The following LARGE1 variants were observed in gnomAD, a reference collection of about 807,000 sequenced individuals.
The protein encoded by LARGE1 is xylosyl- and glucuronyltransferase LARGE1.
Under a neutral mutation model 87.6 loss-of-function variants are expected in LARGE1, and 43 were observed. That is an observed-to-expected ratio of 0.49 (90% CI 0.38 to 0.63). The LOEUF is 0.63. Among genes scored for constraint, LARGE1 ranks in the 30% least tolerant of loss-of-function variants. The pLI is 0.00. For missense variants in LARGE1, 802 were observed against 1,000.2 expected, an observed-to-expected ratio of 0.80 and a Z score of 2.67; for synonymous variants, 434 against 394.6, an observed-to-expected ratio of 1.10 and a Z score of -1.18.
In LARGE1 at chr22:33,299,093, T is replaced by G. The variant is rs1325852060; in HGVS notation, c.1730+5136A>C. Among the ~76,000 whole-genome samples, 4 of 151,818 alleles carry G rather than the reference T, an allele frequency of 2.6e-5. No homozygotes were observed. The East Asian group carries it at 7.8e-4, about 30-fold the overall frequency. On this transcript the variant is annotated intron_variant, in intron 12 of 14. Coordinates refer to ENST00000397394, the MANE Select transcript of LARGE1 (RefSeq NM_133642.5). ...CCAGCATGGTGGCGCATGCCTATAATCCCAGCTACTGGGGAGACTAAAGTG... is the reference window on the plus strand; with the variant it reads ...CCAGCATGGTGGCGCATGCCTATAAGCCCAGCTACTGGGGAGACTAAAGTG...
intron 6 of LARGE1, among the ~76,000 whole-genome samples, chr22:33,534,414 A>C (rs575567361): frequency 1.4e-5 from 2 of 143,476 alleles, no homozygotes; most frequent in African/African-American, 5.8e-5. Context: ...AAAAACAAAC[A>C]GACAAAAAAA....
intron 9 of LARGE1, among the ~76,000 whole-genome samples, chr22:33,359,811 G>A (rs1329807372): frequency 6.7e-5 from 10 of 148,964 alleles, no homozygotes; most frequent in South Asian, 2.2e-4. Flanking sequence ...TGATCTGCCC[G>A]CCTCGGCCTC....
At chr22:33,441,610 C>A (rs2067480807) in intron 6 of LARGE1, among the ~76,000 whole-genome samples, 1 of 152,028 alleles carries the variant, frequency 6.6e-6, no homozygotes, top group Non-Finnish European at 1.5e-5. Context: ...TGTATGCCAC[C>A]ACATCCAGCT....
chr22:33,857,537 TTAG>T (rs1417381473), intron 1 of LARGE1, among the ~76,000 whole-genome samples: 1 of 152,248 alleles, frequency 6.6e-6, no homozygotes, highest in African/African-American at 2.4e-5. Flanking sequence ...TCGGTAAATG[TTAG>T]TAATTAGTAA....
chr22:33,858,635 G>T (rs905862666), intron 1 of LARGE1, among the ~76,000 whole-genome samples: 1 of 152,158 alleles, frequency 6.6e-6, no homozygotes, highest in Non-Finnish European at 1.5e-5. Context: ...TCCCAGCTAG[G>T]CTTAGGGATT....
At chr22:33,763,146 CAT>C (rs2084790554) in intron 1 of LARGE1, among the ~76,000 whole-genome samples, 1 of 152,196 alleles carries the variant, frequency 6.6e-6, no homozygotes, top group Non-Finnish European at 1.5e-5. Context: ...TAAAACTTAG[CAT>C]ATTGCCTGTC....
intron 2 of LARGE1, among the ~76,000 whole-genome samples, chr22:33,740,381 C>A (rs966353155): frequency 9.2e-5 from 14 of 152,202 alleles, no homozygotes; most frequent in African/African-American, 2.7e-4. Context: ...GCCTTAAATT[C>A]TTGCTTCCCA....
intron 7 of LARGE1, among the ~76,000 whole-genome samples, chr22:33,393,969 A>C (rs1476704949): frequency 6.6e-6 from 1 of 152,174 alleles, no homozygotes; most frequent in African/African-American, 2.4e-5. Flanking sequence ...CTTTTTAGCA[A>C]CAGCTCAGTA....
intron 1 of LARGE1, among the ~76,000 whole-genome samples, chr22:33,817,561 G>A (rs1229574018): frequency 6.6e-6 from 1 of 152,094 alleles, no homozygotes; most frequent in Non-Finnish European, 1.5e-5. Context: ...GCAGAAAAGA[G>A]TGTTTGGGTT....
Position 33,512,451 on chromosome 22 carries a change from T to C in LARGE1, c.787+52397A>G, listed in dbSNP as rs76963847. 7.9e-3 allele frequency among the ~76,000 whole-genome samples: 1,199 copies of C among 152,120 alleles called. 13 individuals are homozygous for C. The highest frequency in any genetic ancestry group is 0.023 in the East Asian group (119 of 5,188). On this transcript the variant is annotated intron_variant, in intron 6 of 14. Coordinates refer to ENST00000397394, the MANE Select transcript of LARGE1 (RefSeq NM_133642.5). ...AAAAGGCAGAAGTCAGAATTACATA[T>C]AGGAGGAAAACAACAGTCTTTAAAA...
At chr22:33,521,102 C>A (rs1284767292) in intron 6 of LARGE1, among the ~76,000 whole-genome samples, 1 of 152,128 alleles carries the variant, frequency 6.6e-6, no homozygotes, top group Non-Finnish European at 1.5e-5. Flanking sequence ...TGGCTGGGAA[C>A]TATGGGTTAT....
At position 33,230,004 on chromosome 22, in the gene LARGE1, C is replaced by CTT. The variant is rs557120175; in HGVS notation, c.1731-63174_1731-63173dup. 5.6e-3 allele frequency among the ~76,000 whole-genome samples: 451 copies of CTT among 81,164 alleles called. 36 individuals carry two copies. Among genetic ancestry groups the CTT allele is most frequent in the Middle Eastern group, 0.018 (2 of 110 alleles). The allele number at this position is 81,164 out of a possible 152,430, so 53.2% of individuals were successfully genotyped here. On this transcript the variant is annotated intron_variant, in intron 11 of 11. Transcript: ENST00000608642. ...GACATTTTCAAACATTTTCAAAGTT[C>CTT]TTTTTTTTTTTTTTTTTTTTTTTTT...
chr22:33,403,757 C>A (rs1018916123), intron 7 of LARGE1, among the ~76,000 whole-genome samples: 1 of 152,080 alleles, frequency 6.6e-6, no homozygotes, highest in Non-Finnish European at 1.5e-5. Context: ...GTGCCTGCCA[C>A]CACGCCTGGC....
At chr22:33,408,143 G>C (rs1333227431) in intron 7 of LARGE1, among the ~76,000 whole-genome samples, 1 of 151,982 alleles carries the variant, frequency 6.6e-6, no homozygotes, top group Non-Finnish European at 1.5e-5. Context: ...ACCACGCCCA[G>C]CTAATTTTTT....
intron 2 of LARGE1, among the ~76,000 whole-genome samples, chr22:33,739,079 A>C (rs557576203): frequency 6.6e-6 from 1 of 151,942 alleles, no homozygotes; most frequent in South Asian, 2.1e-4. Flanking sequence ...CTCAGGCCTT[A>C]GTTTCCTTAT....
chr22:33,746,009 G>C (rs1456828393), intron 2 of LARGE1, among the ~76,000 whole-genome samples: 9 of 152,180 alleles, frequency 5.9e-5, no homozygotes, highest in Non-Finnish European at 1.3e-4. Flanking sequence ...ATGCCTGCCT[G>C]GGTTCAATCT....
At chr22:33,415,616 C>A (rs996328864) in intron 7 of LARGE1, among the ~76,000 whole-genome samples, 1 of 152,154 alleles carries the variant, frequency 6.6e-6, no homozygotes, top group Non-Finnish European at 1.5e-5. Context: ...CCCACCAAGT[C>A]TCATAGGAGG....
At chr22:33,257,429 A>T (rs967670762) in intron 11 of LARGE1, among the ~76,000 whole-genome samples, 11 of 16,814 alleles carry the variant, frequency 6.5e-4, no homozygotes, top group Non-Finnish European at 1.9e-3. Flanking sequence ...AAGGTAAAAC[A>T]AAAACAAAAA....
chr22:33,388,418 T>C (rs2065402301), intron 7 of LARGE1, among the ~76,000 whole-genome samples: 1 of 152,190 alleles, frequency 6.6e-6, no homozygotes, highest in Non-Finnish European at 1.5e-5. Flanking sequence ...CATTACTGAG[T>C]CCACAGATTC....
Sources: gnomAD v4.1 joint callset for allele counts (sites outside exome capture counted in the v4.1 genomes callset) on GRCh38, gnomAD v4.1.1 for gene constraint, MANE v1.5 for transcripts, NCBI Gene and HGNC (gene_info 2026-07-23, HGNC 2026-07-21) for gene names.